The following RAD23B variants were observed in gnomAD, a reference collection of about 807,000 sequenced individuals.
RAD23B encodes the protein RAD23 nucleotide excision repair protein B.
In RAD23B, 5 loss-of-function variants were observed where a neutral mutation model predicts 49.1. That is an observed-to-expected ratio of 0.10 (90% confidence interval 0.05 to 0.21). RAD23B has a LOEUF of 0.21. Among genes scored for constraint, RAD23B ranks in the 10% least tolerant of loss-of-function variants. The pLI, the probability that RAD23B is intolerant of heterozygous loss-of-function variation, is 1.00. For missense variants in RAD23B, 356 were observed against 486.7 expected, an observed-to-expected ratio of 0.73 and a Z score of 2.53; for synonymous variants, 184 against 165.4, an observed-to-expected ratio of 1.11 and a Z score of -0.86.
intron 2 of RAD23B, among the ~76,000 whole-genome samples, chr9:107,300,433 AGTTTT>A (rs1350304690): frequency 2.6e-5 from 4 of 151,814 alleles, no homozygotes; most frequent in African/African-American, 9.7e-5. Flanking sequence ...AAATGGTATT[AGTTTT>A]GTTTTATCTT....
chr9:107,311,796 T>C, intron 5 of RAD23B, 59 bp downstream of exon 5: 1 of 1,274,278 alleles, frequency 7.8e-7, no homozygotes, highest in Non-Finnish European at 1.1e-6. Context: ...AGGTTTCACT[T>C]TTCTAGATCA....
intron 3 of RAD23B, among the ~76,000 whole-genome samples, chr9:107,302,488 A>C (rs1564244159): frequency 1.3e-5 from 2 of 152,120 alleles, no homozygotes; most frequent in Admixed American, 6.5e-5. Context: ...AGACCTGCTA[A>C]ATTACGTACT....
intron 9 of RAD23B, among the ~76,000 whole-genome samples, chr9:107,326,081 A>T (rs1370229020): frequency 1.3e-5 from 2 of 152,182 alleles, no homozygotes; most frequent in East Asian, 3.8e-4. Context: ...TACTGGTTAC[A>T]GCATATGATC....
At chr9:107,312,943 A>G (rs138810453) in intron 5 of RAD23B, among the ~76,000 whole-genome samples, 24 of 152,160 alleles carry the variant, frequency 1.6e-4, no homozygotes, top group Middle Eastern at 3.4e-3. Flanking sequence ...CTGCTACTCA[A>G]GCCTCTGTGA....
Position 107,283,703 on chromosome 9 carries a change from CGCGGGCCGGGGGCAGGGGCAGCCGCGT to C in RAD23B, c.66+17_66+43del. On this transcript the variant is annotated intron_variant, in intron 1 of 9. Transcript: ENST00000358015. ...ATTGACCCCGAGGAGACGGTATGCGCGCGGGCCGGGGGCAGGGGCAGCCGCGTGCGGGCCGCGGGGAGCGCCAGGAGC... is the reference window on the plus strand; with the variant it reads ...ATTGACCCCGAGGAGACGGTATGCGCGCGGGCCGCGGGGAGCGCCAGGAGC... 1 of 1,462,898 alleles carries C rather than the reference CGCGGGCCGGGGGCAGGGGCAGCCGCGT, an allele frequency of 6.8e-7. No homozygotes were observed. The highest frequency in any genetic ancestry group is 3.2e-5 in the East Asian group (1 of 31,296). 90.6% of individuals were successfully genotyped at this position (1,462,898 alleles called of 1,614,324 possible). A position where few individuals can be genotyped will look rare whatever the true frequency, so the allele number is the denominator to read the frequency against.
chr9:107,298,317 ATTTAT>A (rs1826575423), intron 1 of RAD23B, among the ~76,000 whole-genome samples: 1 of 151,574 alleles, frequency 6.6e-6, no homozygotes, highest in East Asian at 1.9e-4. Context: ...GTTTTATTTT[ATTTAT>A]TTATTTTTTA....
chr9:107,305,271 C>G, intron 3 of RAD23B, among the ~76,000 whole-genome samples: 1 of 152,140 alleles, frequency 6.6e-6, no homozygotes, highest in East Asian at 1.9e-4. Flanking sequence ...CCACTGCACT[C>G]CAGTCTGGGC....
rs529088986 is a variant in RAD23B, at chr9:107,292,334, T to C, written c.67-7807T>C. Among the ~76,000 whole-genome samples, 9 of 152,328 alleles carry C rather than the reference T, an allele frequency of 5.9e-5. No homozygotes were observed. The East Asian group carries it at 1.7e-3, about 29-fold the overall frequency. On this transcript the variant is annotated intron_variant, in intron 1 of 9. Transcript: ENST00000358015. ...AGTAGTTACATGAGCACCTCTAGCATTGATTTCTAGATGCGAAATTATTTG... is the reference window on the plus strand; with the variant it reads ...AGTAGTTACATGAGCACCTCTAGCACTGATTTCTAGATGCGAAATTATTTG...
At chr9:107,304,140 A>G (rs989414113) in intron 3 of RAD23B, among the ~76,000 whole-genome samples, 1 of 152,216 alleles carries the variant, frequency 6.6e-6, no homozygotes, top group Non-Finnish European at 1.5e-5. Context: ...GGAAAAAGCT[A>G]TTAAGATCAA....
chr9:107,312,292 T>C (rs1223341175), intron 5 of RAD23B, among the ~76,000 whole-genome samples: 1 of 152,228 alleles, frequency 6.6e-6, no homozygotes, highest in East Asian at 1.9e-4. Flanking sequence ...GTAGCATCTC[T>C]GATACAGTTC....
chr9:107,287,696 T>C (rs534232490), intron 1 of RAD23B, among the ~76,000 whole-genome samples: 59 of 152,102 alleles, frequency 3.9e-4, no homozygotes, highest in Non-Finnish European at 5.0e-4. Context: ...TAGCTGGGCA[T>C]GGTGGTGCAT....
chr9:107,328,285 C>T (rs1827246008), intron 9 of RAD23B, among the ~76,000 whole-genome samples: 1 of 152,070 alleles, frequency 6.6e-6, no homozygotes, highest in Non-Finnish European at 1.5e-5. Flanking sequence ...AGTCTTTAAC[C>T]TTTTTGGCAC....
At chr9:107,327,080 A>G (rs1389038072) in intron 9 of RAD23B, among the ~76,000 whole-genome samples, 1 of 152,182 alleles carries the variant, frequency 6.6e-6, no homozygotes, top group African/African-American at 2.4e-5. Context: ...ATAAAGTAAT[A>G]ATGTTCCTGC....
intron 4 of RAD23B, among the ~76,000 whole-genome samples, chr9:107,309,642 A>G (rs1826849038): frequency 6.6e-6 from 1 of 152,184 alleles, no homozygotes; most frequent in African/African-American, 2.4e-5. Flanking sequence ...TTTTAAAAAC[A>G]ATGTGTGGGC....
At chr9:107,288,066 T>C (rs1833311156) in intron 1 of RAD23B, among the ~76,000 whole-genome samples, 1 of 152,158 alleles carries the variant, frequency 6.6e-6, no homozygotes, top group South Asian at 2.1e-4. Flanking sequence ...AATTAAGAGT[T>C]CTTGGCATAT....
chr9:107,313,125 G>A (rs528387004), intron 5 of RAD23B, among the ~76,000 whole-genome samples: 1 of 152,168 alleles, frequency 6.6e-6, no homozygotes, highest in South Asian at 2.1e-4. Context: ...TTCTTTGGCT[G>A]CTGTGACACC....
intron 3 of RAD23B, among the ~76,000 whole-genome samples, chr9:107,305,770 A>C (rs571678697): frequency 6.6e-6 from 1 of 152,092 alleles, no homozygotes; most frequent in Non-Finnish European, 1.5e-5. Context: ...AGTACAACAG[A>C]ATATTTGACA....
intron 1 of RAD23B, among the ~76,000 whole-genome samples, chr9:107,284,415 G>T (rs911075999): frequency 6.6e-6 from 1 of 151,312 alleles, no homozygotes; most frequent in Non-Finnish European, 1.5e-5. Context: ...AGAAATCTTG[G>T]AATTGTAGGA....
At chr9:107,283,927 G>A (rs1833215933) in intron 1 of RAD23B, 3 of 1,046,300 alleles carry the variant, frequency 2.9e-6, no homozygotes, top group Non-Finnish European at 3.6e-6. Flanking sequence ...AAGGCCTGGT[G>A]GCAGATGGCG....
Sources: gnomAD v4.1 joint callset for allele counts (sites outside exome capture counted in the v4.1 genomes callset) on GRCh38, gnomAD v4.1.1 for gene constraint, MANE v1.5 for transcripts, NCBI Gene and HGNC (gene_info 2026-07-23, HGNC 2026-07-21) for gene names.